Variants in FOCAD observed in about 807,000 individuals in gnomAD.
The protein encoded by FOCAD is KIAA1797.
FOCAD carries 198 observed loss-of-function variants against 225.6 expected under a neutral mutation model. That is an observed-to-expected ratio of 0.88 (90% confidence interval 0.78 to 0.99). The LOEUF (loss-of-function observed/expected upper bound fraction) is 0.99, where lower values mean the gene tolerates loss of function less well. FOCAD is among the 50% of genes least tolerant of loss of function. The pLI is 0.00. For synonymous variants in FOCAD, 897 were observed against 755.0 expected, an observed-to-expected ratio of 1.19 and a Z score of -3.08; for missense variants, 2,713 against 2,123.6, an observed-to-expected ratio of 1.28 and a Z score of -5.46.
chr9:20,842,161 C>T (rs1401824184), intron 15 of FOCAD, among the ~76,000 whole-genome samples: 1 of 151,292 alleles, frequency 6.6e-6, no homozygotes, highest in African/African-American at 2.4e-5. Flanking sequence ...CTATTTGTGG[C>T]CTAACCTTTG....
intron 18 of FOCAD, among the ~76,000 whole-genome samples, chr9:20,871,732 A>G (rs1293477164): frequency 1.5e-4 from 19 of 123,728 alleles, no homozygotes; most frequent in African/African-American, 4.3e-4. Context: ...CACAGGAAGG[A>G]GAACATCACA....
At chr9:20,834,658 G>A (rs1825828877) in intron 15 of FOCAD, among the ~76,000 whole-genome samples, 1 of 152,010 alleles carries the variant, frequency 6.6e-6, no homozygotes, top group African/African-American at 2.4e-5. Context: ...TTCAGGAACA[G>A]GCAAAACTAA....
intron 1 of FOCAD, among the ~76,000 whole-genome samples, chr9:20,691,921 G>A (rs958015155): frequency 9.2e-5 from 14 of 152,006 alleles, no homozygotes; most frequent in South Asian, 6.2e-4. Flanking sequence ...CTACAGGTGC[G>A]CACTACCACA....
chr9:20,746,986 A>C (rs1828090704), intron 5 of FOCAD, among the ~76,000 whole-genome samples: 1 of 152,026 alleles, frequency 6.6e-6, no homozygotes, highest in African/African-American at 2.4e-5. Context: ...CTTGCCCCTC[A>C]TTGGGGATTT....
At chr9:20,860,711 G>T (rs1452544431) in intron 15 of FOCAD, among the ~76,000 whole-genome samples, 1 of 152,120 alleles carries the variant, frequency 6.6e-6, no homozygotes, top group African/African-American at 2.4e-5. Flanking sequence ...GGGTTTCACT[G>T]TGTTGGCCAG....
chr9:20,673,089 A>G (rs1178267578), intron 2 of FOCAD, among the ~76,000 whole-genome samples: 1 of 152,192 alleles, frequency 6.6e-6, no homozygotes, highest in East Asian at 1.9e-4. Flanking sequence ...CCACTCCAGA[A>G]TGGTAGGGGG....
intron 4 of FOCAD, among the ~76,000 whole-genome samples, chr9:20,729,695 G>T (rs145192226): frequency 1.3e-5 from 2 of 152,266 alleles, no homozygotes; most frequent in African/African-American, 2.4e-5. Flanking sequence ...TATTCCTGAG[G>T]AGTCCTCTGC....
chr9:20,811,561 G>A (rs1823078979), intron 11 of FOCAD, among the ~76,000 whole-genome samples: 2 of 151,986 alleles, frequency 1.3e-5, no homozygotes, highest in Non-Finnish European at 2.9e-5. Context: ...CAAGACTGTA[G>A]AATACTTCTT....
intron 21 of FOCAD, among the ~76,000 whole-genome samples, chr9:20,894,293 G>C (rs772192674): frequency 6.6e-6 from 1 of 152,034 alleles, no homozygotes; most frequent in Non-Finnish European, 1.5e-5. Context: ...AGGATATTTT[G>C]GTTGCTTCCA....
chr9:20,945,729 T>C (rs1304459229), intron 29 of FOCAD, among the ~76,000 whole-genome samples: 1 of 152,196 alleles, frequency 6.6e-6, no homozygotes, highest in Non-Finnish European at 1.5e-5. Context: ...AACTGATGCA[T>C]CTGTAATGTT....
At chr9:20,948,975 G>C in intron 32 of FOCAD, 47 bp downstream of exon 32, 1 of 1,538,226 alleles carries the variant, frequency 6.5e-7, no homozygotes, top group South Asian at 1.1e-5. Flanking sequence ...TATGTACATA[G>C]CCATAGCGGG....
intron 16 of FOCAD, among the ~76,000 whole-genome samples, chr9:20,864,460 T>C (rs946836146): frequency 6.6e-6 from 1 of 152,094 alleles, no homozygotes; most frequent in African/African-American, 2.4e-5. Flanking sequence ...ATTCCCTCTA[T>C]CTAAAATTAC....
intron 11 of FOCAD, among the ~76,000 whole-genome samples, chr9:20,817,258 C>A (rs1009411346): frequency 2.0e-5 from 3 of 152,092 alleles, no homozygotes; most frequent in African/African-American, 7.2e-5. Context: ...AATTCAATGG[C>A]TTTTATTATA....
In FOCAD at chr9:20,685,873, G is replaced by C. The variant is rs537939101; in HGVS notation, c.-33+1580G>C. The stretch of plus-strand genomic sequence containing the variant: ...TTATCAGGAGGAGCTGGAGGAGGCG[G>C]AACACAGCCTCGCGCCCTGTAATAA... On this transcript the variant is annotated intron_variant, in intron 1 of 43. Coordinates refer to ENST00000338382, the MANE Select transcript of FOCAD (RefSeq NM_001375567.1). Among the ~76,000 whole-genome samples, 4 of 152,164 alleles carry C rather than the reference G, an allele frequency of 2.6e-5. No individual in the cohort carries two copies. In the South Asian group the frequency reaches 8.3e-4, roughly 32 times the overall value.
At chr9:20,892,777 A>G (rs922457318) in intron 21 of FOCAD, among the ~76,000 whole-genome samples, 4 of 152,240 alleles carry the variant, frequency 2.6e-5, no homozygotes, top group Admixed American at 6.5e-5. Flanking sequence ...GAGAAGTTCT[A>G]TGGATGAAGC....
intron 4 of FOCAD, chr9:20,726,535 T>C (rs1234771230): frequency 6.6e-6 from 1 of 152,174 alleles, no homozygotes; most frequent in East Asian, 1.9e-4. Context: ...TTTGGGAATA[T>C]AAAGTGTATT....
exon 2 of FOCAD, chr9:20,658,702 C>G (rs1438948700): frequency 6.3e-6 from 1 of 158,468 alleles, no homozygotes. Flanking sequence ...GAGATGAACT[C>G]GGTATCTCAG....
At chr9:20,769,599 C>T (rs1327644165) in intron 7 of FOCAD, among the ~76,000 whole-genome samples, 3 of 152,202 alleles carry the variant, frequency 2.0e-5, no homozygotes, top group Non-Finnish European at 4.4e-5. Flanking sequence ...AAGTATCTTG[C>T]AGATAAAGGG....
At chr9:20,822,157 A>G (rs1385965018) in intron 14 of FOCAD, among the ~76,000 whole-genome samples, 3 of 152,018 alleles carry the variant, frequency 2.0e-5, no homozygotes, top group Non-Finnish European at 1.5e-5. Context: ...CTCAGGATAG[A>G]CTGAATATCA....
Sources: allele counts gnomAD v4.1 joint callset (sites outside exome capture counted in the v4.1 genomes callset), GRCh38; gene constraint gnomAD v4.1.1; transcripts MANE v1.5; gene names NCBI Gene and HGNC (gene_info 2026-07-23, HGNC 2026-07-21).